TNN: variants seen among roughly 807,000 people sequenced by gnomAD.
TNN encodes the protein tenascin N, also known as tenascin-N.
TNN carries 122 observed loss-of-function variants against 134.4 expected under a neutral mutation model. That is an observed-to-expected ratio of 0.91 (90% CI 0.78 to 1.06). TNN has a LOEUF of 1.06. TNN is among the 50% of genes least tolerant of loss of function. The probability of loss-of-function intolerance (pLI) is 0.00; values close to 1 mark genes in which losing one functional copy is unlikely to be tolerated. For synonymous variants in TNN, 710 were observed against 670.3 expected, an observed-to-expected ratio of 1.06 and a Z score of -0.91; for missense variants, 1,739 against 1,699.4, an observed-to-expected ratio of 1.02 and a Z score of -0.41.
intron 15 of TNN, among the ~76,000 whole-genome samples, chr1:175,129,628 G>A (rs993446383): frequency 6.6e-6 from 1 of 151,900 alleles, no homozygotes; most frequent in African/African-American, 2.4e-5. Context: ...TTTAGAGTAA[G>A]TGAGAGAGGA....
rs2072036 is a variant in TNN, at chr1:175,136,860, C to T, written c.3467C>T (p.Ala1156Val). 164,961 of 1,613,822 alleles carry T rather than the reference C, an allele frequency of 0.1. 9,160 individuals carry two copies. The highest frequency in any genetic ancestry group is 0.21 in the East Asian group (9,409 of 44,862). The change falls in exon 17 of 19, where the codon GCG (alanine) becomes GTG (valine). Residue 1156 changes from alanine (A) to valine (V), a missense_variant. Physicochemically the swap from Ala to Val is moderately conservative, Grantham distance 64. Transcript: ENST00000239462. ...CACAACCTCACCACCGGCACTCCAG[C>T]GCGGTATGAGGTGAGAGTGGATTTA... ...KLHNLTTGTP[A>V]RYEVRVDLQT... is the part of the protein sequence containing the mutation.
chr1:175,105,897 A>C (rs1674837943), intron 9 of TNN, among the ~76,000 whole-genome samples: 1 of 145,630 alleles, frequency 6.9e-6, no homozygotes, highest in Admixed American at 6.9e-5. Context: ...GAATAGTTGC[A>C]TTCACCAATG....
intron 6 of TNN, among the ~76,000 whole-genome samples, chr1:175,087,997 C>T (rs1039656997): frequency 3.3e-5 from 5 of 152,224 alleles, no homozygotes; most frequent in Admixed American, 6.5e-5. Flanking sequence ...GGTCAAGGTA[C>T]GTGCTTCCAT....
rs192863497 is a variant in TNN, at chr1:175,123,767, C to T, written c.2914+104C>T. 1.3e-3 allele frequency: 2,013 copies of T among 1,525,756 alleles called. 17 individuals carry two copies. The African/African-American group carries it at 0.021, about 16-fold the overall frequency. 94.5% of individuals were successfully genotyped at this position (1,525,756 alleles called of 1,614,324 possible). A position where few individuals can be genotyped will look rare whatever the true frequency, so the allele number is the denominator to read the frequency against. ...GGAGCAGGAGGGTGGTTGCTTTACC[C>T]GAGGACATTCTTCAAAGTGGTTCCT... On this transcript the variant is annotated intron_variant, in intron 12 of 18. Transcript: ENST00000239462.
At chr1:175,126,135 T>C (rs1177946921) in intron 12 of TNN, among the ~76,000 whole-genome samples, 1 of 149,000 alleles carries the variant, frequency 6.7e-6, no homozygotes, top group Admixed American at 6.8e-5. Flanking sequence ...AGAGTCTTGC[T>C]CTGTCACCCA....
intron 9 of TNN, among the ~76,000 whole-genome samples, chr1:175,099,763 C>G (rs1674672971): frequency 6.6e-6 from 1 of 152,122 alleles, no homozygotes. Flanking sequence ...GGTGTTTGGG[C>G]CTGCCCTGGA....
Position 175,097,610 on chromosome 1 carries a change from G to A in TNN, c.1782G>A (p.Val594=). The A allele has an allele frequency of 6.2e-7, 1 of 1,614,232 alleles. No homozygotes were observed. The highest frequency in any genetic ancestry group is 8.5e-7 in the Non-Finnish European group (1 of 1,180,048). The part of the protein sequence containing the change: ...STVLTGLRPG[V]EYTVHVWAQK... ...TCCTGACAGGCCTGAGGCCAGGTGTGGAGTACACAGTGCATGTCTGGGCCC... is the reference window on the plus strand; with the variant it reads ...TCCTGACAGGCCTGAGGCCAGGTGTAGAGTACACAGTGCATGTCTGGGCCC... Residue 594 remains valine, a synonymous_variant, in exon 8 of 19, where the codon GTG becomes GTA. Transcript: ENST00000239462.
intron 4 of TNN, among the ~76,000 whole-genome samples, chr1:175,081,894 G>C (rs1674205167): frequency 6.6e-6 from 1 of 152,194 alleles, no homozygotes; most frequent in Non-Finnish European, 1.5e-5. Context: ...GGCTGAAGTT[G>C]GTGATTGTAA....
chr1:175,135,220 A>C (rs1480224141), intron 15 of TNN, among the ~76,000 whole-genome samples: 1 of 152,198 alleles, frequency 6.6e-6, no homozygotes, highest in Non-Finnish European at 1.5e-5. Context: ...GCATTTAAAA[A>C]TTATTTAATT....
chr1:175,123,681 G>T lies in TNN; in HGVS notation c.2914+18G>T. The T allele has an allele frequency of 6.2e-7, 1 of 1,613,670 alleles. No individual in the cohort carries two copies. The highest frequency in any genetic ancestry group is 8.5e-7 in the Non-Finnish European group (1 of 1,179,780). ...CCAGACAGGTACTGAGAGGGACCAGGCCAGGGGAACACCTCACACTTATCA... is the reference window on the plus strand; with the variant it reads ...CCAGACAGGTACTGAGAGGGACCAGTCCAGGGGAACACCTCACACTTATCA... On this transcript the variant is annotated intron_variant, in intron 12 of 18. Coordinates refer to ENST00000239462, the MANE Select transcript of TNN (RefSeq NM_022093.2).
intron 17 of TNN, among the ~76,000 whole-genome samples, chr1:175,144,075 T>C (rs939768420): frequency 6.6e-6 from 1 of 151,998 alleles, no homozygotes; most frequent in Non-Finnish European, 1.5e-5. Context: ...CTCTTGTGTG[T>C]GGTGTGGTCA....
chr1:175,078,600 A>G (rs1674110598), intron 2 of TNN, among the ~76,000 whole-genome samples: 1 of 152,192 alleles, frequency 6.6e-6, no homozygotes, highest in African/African-American at 2.4e-5. Flanking sequence ...GGACACTGCC[A>G]TGAATAACCA....
chr1:175,099,540 G>A (rs1432771385), intron 9 of TNN, among the ~76,000 whole-genome samples: 4 of 149,710 alleles, frequency 2.7e-5, no homozygotes, highest in East Asian at 2.0e-4. Flanking sequence ...GAGGTGAGGC[G>A]TCAGTAAGAG....
chr1:175,138,810 T>C (rs769291653), intron 17 of TNN, among the ~76,000 whole-genome samples: 9 of 152,190 alleles, frequency 5.9e-5, no homozygotes, highest in African/African-American at 2.2e-4. Context: ...GCAAACATCA[T>C]AGAATGCACT....
Position 175,128,504 on chromosome 1 carries a change from A to G in TNN, c.3179-91A>G, listed in dbSNP as rs1574173121. 2.8e-6 allele frequency: 4 copies of G among 1,428,516 alleles called. No homozygotes were observed. The East Asian group carries it at 1.0e-4, about 36-fold the overall frequency. 88.5% of individuals were successfully genotyped at this position (1,428,516 alleles called of 1,614,324 possible). A position where few individuals can be genotyped will look rare whatever the true frequency, so the allele number is the denominator to read the frequency against. On this transcript the variant is annotated intron_variant, in intron 14 of 18. Transcript: ENST00000239462. ...AGTAGGAAGTTATGAAATAATTTCC[A>G]AACAAAATAAATTGCCTTAAAATAG...
chr1:175,117,080 C>T lies in TNN; in HGVS notation c.2261C>T (p.Pro754Leu), dbSNP rs111972436. ...AAGGACGGAGAGACCAGGGAGGTTC[C>T]GGTGGGGAAGGAGCAGAGTAGCACT... ...SAKDGETREV[P>L]VGKEQSSTVL... is the part of the protein sequence containing the mutation. The change falls in exon 10 of 19, where the codon CCG becomes CTG. Residue 754 changes from proline to leucine, a missense_variant. By Grantham distance (98) the Pro-to-Leu change is moderately conservative. Coordinates refer to ENST00000239462, the MANE Select transcript of TNN (RefSeq NM_022093.2). 774 of 1,614,192 alleles carry T rather than the reference C, an allele frequency of 4.8e-4. 4 individuals are homozygous for T. In the African/African-American group the frequency reaches 8.6e-3, roughly 18 times the overall value.
At chr1:175,112,760 G>A (rs896894723) in intron 9 of TNN, among the ~76,000 whole-genome samples, 3 of 151,546 alleles carry the variant, frequency 2.0e-5, no homozygotes, top group African/African-American at 7.3e-5. Flanking sequence ...TGGGACTATA[G>A]GCATGTGCCA....
chr1:175,082,983 G>GTTT (rs201289158), intron 4 of TNN, among the ~76,000 whole-genome samples: 1 of 144,732 alleles, frequency 6.9e-6, no homozygotes, highest in Non-Finnish European at 1.5e-5. Context: ...GTAACTTCAT[G>GTTT]TTTTTTTTTT....
At chr1:175,116,905 A>G in intron 9 of TNN, 34 bp from the exon 10 acceptor site, 2 of 1,614,188 alleles carry the variant, frequency 1.2e-6, no homozygotes, top group Non-Finnish European at 1.7e-6. Context: ...GTACCAGTTC[A>G]TAGTGTTCAT....
Sources: allele counts gnomAD v4.1 joint callset (sites outside exome capture counted in the v4.1 genomes callset), GRCh38; gene constraint gnomAD v4.1.1; transcripts MANE v1.5; gene names NCBI Gene and HGNC (gene_info 2026-07-23, HGNC 2026-07-21).